RELN: variants seen among roughly 807,000 people sequenced by gnomAD.
RELN encodes reelin.
RELN carries 108 observed loss-of-function variants against 427.6 expected under a neutral mutation model. The observed-to-expected ratio is 0.25, with a 90% CI of 0.22 to 0.30. RELN has a LOEUF of 0.30. Among genes scored for constraint, RELN ranks in the 10% least tolerant of loss-of-function variants. The probability of loss-of-function intolerance (pLI) is 1.00; values close to 1 mark genes in which losing one functional copy is unlikely to be tolerated. For synonymous variants in RELN, 1,524 were observed against 1,513.4 expected, an observed-to-expected ratio of 1.01 and a Z score of -0.16; for missense variants, 3,715 against 4,302.8, an observed-to-expected ratio of 0.86 and a Z score of 3.82.
intron 53 of RELN, 151 bp downstream of exon 53, chr7:103,500,594 A>T (rs1471546120): frequency 1.4e-6 from 1 of 704,746 alleles, no homozygotes; most frequent in Non-Finnish European, 2.4e-6. Context: ...TACTTAGGAA[A>T]CATAAGACAT....
chr7:103,587,348 C>T (rs990661604), intron 28 of RELN, among the ~76,000 whole-genome samples: 1 of 152,106 alleles, frequency 6.6e-6, no homozygotes, highest in Non-Finnish European at 1.5e-5. Context: ...TGAAACTGGA[C>T]CCATATCTCT....
chr7:103,971,019 G>A (rs10253605), intron 1 of RELN, among the ~76,000 whole-genome samples: 24,949 of 151,918 alleles, frequency 0.16, 2,126 homozygotes, highest in Middle Eastern at 0.29. Context: ...GGGTGTGGTC[G>A]CGGGCACCCA....
intron 24 of RELN, among the ~76,000 whole-genome samples, 170 bp from the exon 25 acceptor site, chr7:103,596,831 C>A (rs78470561): frequency 6.6e-6 from 1 of 152,280 alleles, no homozygotes; most frequent in African/African-American, 2.4e-5. Flanking sequence ...GATCCGACTA[C>A]GGTAACTGTT....
chr7:103,817,937 C>CATAAA, intron 3 of RELN, among the ~76,000 whole-genome samples: 1 of 36,016 alleles, frequency 2.8e-5, no homozygotes, highest in Non-Finnish European at 4.4e-5. Flanking sequence ...GACTCCATCT[C>CATAAA]AAAAAAAAAA....
intron 19 of RELN, among the ~76,000 whole-genome samples, chr7:103,633,940 A>AT (rs1832524136): frequency 6.6e-6 from 1 of 152,068 alleles, no homozygotes; most frequent in Non-Finnish European, 1.5e-5. Flanking sequence ...TTAGCACTAG[A>AT]TTTTTACCTG....
intron 63 of RELN, 24 bp downstream of exon 63, chr7:103,482,849 G>A (rs1404418110): frequency 6.2e-7 from 1 of 1,613,970 alleles, no homozygotes; most frequent in Non-Finnish European, 8.5e-7. Flanking sequence ...AATGGACATG[G>A]GATGCCATGT....
At chr7:103,954,398 G>A (rs555263359) in intron 1 of RELN, among the ~76,000 whole-genome samples, 1 of 152,304 alleles carries the variant, frequency 6.6e-6, no homozygotes, top group East Asian at 1.9e-4. Flanking sequence ...AATGGCATGA[G>A]TTTGTGAGGG....
chr7:103,548,097 T>C (rs1429196421), intron 41 of RELN, among the ~76,000 whole-genome samples: 1 of 152,172 alleles, frequency 6.6e-6, no homozygotes, highest in Non-Finnish European at 1.5e-5. Flanking sequence ...ATTATGAAAC[T>C]GCATACAGCA....
intron 1 of RELN, among the ~76,000 whole-genome samples, chr7:103,969,047 T>C (rs1346133845): frequency 6.6e-6 from 1 of 152,104 alleles, no homozygotes; most frequent in Non-Finnish European, 1.5e-5. Flanking sequence ...GCTCTCCTAA[T>C]AATGAGTTAA....
intron 27 of RELN, 50 bp downstream of exon 27, chr7:103,593,632 A>G (rs903498503): frequency 1.4e-6 from 2 of 1,470,336 alleles, no homozygotes; most frequent in Non-Finnish European, 1.9e-6. Context: ...TACATCTGGA[A>G]GATATTTTAC....
In RELN at chr7:103,557,074, A is replaced by G. The variant is rs766948394; in HGVS notation, c.5700T>C (p.Phe1900=). 7.4e-6 allele frequency: 12 copies of G among 1,613,538 alleles called. No homozygotes were observed. In the South Asian group the frequency reaches 7.7e-5, roughly 10 times the overall value. Residue 1900 remains phenylalanine (F), a synonymous_variant, in exon 38 of 65, where the codon TTT becomes TTC. Coordinates refer to ENST00000428762, the MANE Select transcript of RELN (RefSeq NM_005045.4). ...ITWHLMDEFY[F]PQTTNILFIN... ...TGAAAAGTATATTCGTTGTTTGAGG[A>G]AAGTAAAATTCATCCATCAGGTGCC...
chr7:103,661,341 C>T (rs1833134745), intron 12 of RELN, 35 bp downstream of exon 12: 2 of 1,610,416 alleles, frequency 1.2e-6, no homozygotes, highest in Admixed American at 1.7e-5. Context: ...TAGGATTTGC[C>T]CCACGGTGAA....
intron 16 of RELN, among the ~76,000 whole-genome samples, chr7:103,649,345 C>G (rs1474688775): frequency 6.6e-6 from 1 of 151,910 alleles, no homozygotes; most frequent in African/African-American, 2.4e-5. Flanking sequence ...AGTTGTAGAC[C>G]ACATGCTCTC....
rs149542943 is a variant in RELN at position 103,771,253 on chromosome 7, G to T, written c.544+5304C>A. On this transcript the variant is annotated intron_variant, in intron 4 of 64. Transcript: ENST00000428762. ...TCACCTTCTGCTTGTAAAACCCTAA[G>T]GTCCTTTTCTATCCACCATCCTCTC... Among the ~76,000 whole-genome samples the T allele has an allele frequency of 2.9e-3, 435 of 151,658 alleles. 2 individuals carry two copies. Among genetic ancestry groups the T allele is most frequent in the African/African-American group, 0.01 (416 of 41,324 alleles).
chr7:103,509,441 G>A (rs923332756), intron 51 of RELN, among the ~76,000 whole-genome samples: 15 of 152,134 alleles, frequency 9.9e-5, no homozygotes, highest in Admixed American at 9.8e-4. Flanking sequence ...TGGGAAAACT[G>A]GCTAGCCATA....
At chr7:103,486,686 C>A (rs1037541806) in intron 60 of RELN, among the ~76,000 whole-genome samples, 2 of 152,046 alleles carry the variant, frequency 1.3e-5, no homozygotes, top group African/African-American at 4.8e-5. Flanking sequence ...TAGAGAAATG[C>A]AAATCAAAAC....
chr7:103,933,753 C>G (rs1795915548), intron 1 of RELN, among the ~76,000 whole-genome samples: 1 of 152,066 alleles, frequency 6.6e-6, no homozygotes, highest in Non-Finnish European at 1.5e-5. Context: ...ACTCCCTGGG[C>G]CCCAAAGTTT....
intron 1 of RELN, among the ~76,000 whole-genome samples, chr7:103,974,375 C>CAAGGCCACA (rs1796828259): frequency 6.6e-6 from 1 of 152,178 alleles, no homozygotes; most frequent in Non-Finnish European, 1.5e-5. Context: ...AGTCCATTTC[C>CAAGGCCACA]TGAGCCTGTG....
chr7:103,952,387 C>T (rs545340150), intron 1 of RELN, among the ~76,000 whole-genome samples: 2 of 152,162 alleles, frequency 1.3e-5, no homozygotes, highest in Non-Finnish European at 2.9e-5. Context: ...TTTTAAATAA[C>T]TTTACTTAAA....
Sources: gnomAD v4.1 joint callset for allele counts (sites outside exome capture counted in the v4.1 genomes callset) on GRCh38, gnomAD v4.1.1 for gene constraint, MANE v1.5 for transcripts, NCBI Gene and HGNC (gene_info 2026-07-23, HGNC 2026-07-21) for gene names.